CDK19: variants seen among roughly 807,000 people sequenced by gnomAD.
CDK19 encodes the protein cyclin dependent kinase 19.
A neutral mutation model predicts 68.3 loss-of-function variants in CDK19; 20 were observed. That is an observed-to-expected ratio of 0.29 (90% CI 0.21 to 0.43). The LOEUF (loss-of-function observed/expected upper bound fraction) is 0.43. CDK19 is among the 20% of genes least tolerant of loss of function. The pLI is 1.00. For missense variants in CDK19, 339 were observed against 623.5 expected (o/e 0.54, Z 4.86); for synonymous variants, 221 against 222.8 (o/e 0.99, Z 0.07).
At chr6:110,692,021 C>T (rs1399441455) in intron 2 of CDK19, among the ~76,000 whole-genome samples, 4 of 151,446 alleles carry the variant, frequency 2.6e-5, no homozygotes, top group Admixed American at 1.3e-4. Flanking sequence ...ACTGGCTGGG[C>T]GCGGTGGCTC....
intron 4 of CDK19, among the ~76,000 whole-genome samples, chr6:110,656,030 C>T (rs1781290662): frequency 6.6e-6 from 1 of 152,190 alleles, no homozygotes; most frequent in African/African-American, 2.4e-5. Context: ...GCTCTCCCCA[C>T]CCACCTCTCT....
At chr6:110,785,074 C>CAAAAAAAAAAAAAA (rs66578190) in intron 1 of CDK19, among the ~76,000 whole-genome samples, 1 of 64,940 alleles carries the variant, frequency 1.5e-5, no homozygotes. Flanking sequence ...ACTGAATTGT[C>CAAAAAAAAAAAAAA]AAAAAAAAAA....
At chr6:110,734,120 G>A (rs768464375) in intron 2 of CDK19, among the ~76,000 whole-genome samples, 42 of 151,798 alleles carry the variant, frequency 2.8e-4, no homozygotes, top group African/African-American at 7.7e-4. Context: ...AGCAATTCTC[G>A]TGCCTCAGCC....
intron 1 of CDK19, among the ~76,000 whole-genome samples, chr6:110,772,361 GT>G (rs1780078327): frequency 6.6e-6 from 1 of 152,088 alleles, no homozygotes; most frequent in South Asian, 2.1e-4. Flanking sequence ...CATGAGAGCA[GT>G]AGGGGGGAAA....
intron 2 of CDK19, among the ~76,000 whole-genome samples, chr6:110,724,146 G>GA (rs1344968455): frequency 6.6e-6 from 1 of 152,172 alleles, no homozygotes; most frequent in African/African-American, 2.4e-5. Flanking sequence ...CTGAGGGCAG[G>GA]AGTTCGAGAC....
intron 2 of CDK19, chr6:110,706,968 A>G (rs932983938): frequency 6.7e-6 from 1 of 150,260 alleles, no homozygotes; most frequent in Non-Finnish European, 1.5e-5. Context: ...TCTGGCCAGA[A>G]GACATTATTT....
chr6:110,682,562 T>G (rs1191164355), intron 2 of CDK19, among the ~76,000 whole-genome samples: 2 of 152,218 alleles, frequency 1.3e-5, no homozygotes, highest in African/African-American at 4.8e-5. Context: ...CTGTACAGAC[T>G]AACACAGCTC....
At chr6:110,773,604 T>A (rs933788567) in intron 1 of CDK19, among the ~76,000 whole-genome samples, 3 of 152,184 alleles carry the variant, frequency 2.0e-5, no homozygotes, top group African/African-American at 7.2e-5. Context: ...ATACTAATGC[T>A]GTTTTCCTAC....
At chr6:110,781,651 T>C (rs1780831898) in intron 1 of CDK19, among the ~76,000 whole-genome samples, 1 of 151,962 alleles carries the variant, frequency 6.6e-6, no homozygotes, top group African/African-American at 2.4e-5. Flanking sequence ...AAGACGAGTC[T>C]GGGCAACATT....
chr6:110,796,646 CAAAT>C (rs746414334), intron 1 of CDK19, among the ~76,000 whole-genome samples: 1 of 151,646 alleles, frequency 6.6e-6, no homozygotes, highest in African/African-American at 2.4e-5. Context: ...GAGACCATTT[CAAAT>C]AAATAAATAA....
intron 1 of CDK19, among the ~76,000 whole-genome samples, chr6:110,811,504 T>C (rs1179147631): frequency 1.3e-5 from 2 of 152,166 alleles, no homozygotes; most frequent in Non-Finnish European, 2.9e-5. Flanking sequence ...TGCCTCGGCT[T>C]CCCAAAGTGC....
chr6:110,638,689 T>C lies in CDK19; in HGVS notation c.474A>G (p.Leu158=), dbSNP rs372122390. 1.9e-6 allele frequency: 3 copies of C among 1,541,566 alleles called. No individual in the cohort carries two copies. Among genetic ancestry groups the C allele is most frequent in the African/African-American group, 2.7e-5 (2 of 73,526 alleles). Residue 158 remains leucine (L), a synonymous_variant, in exon 5 of 13, where the codon CTA becomes CTG. Transcript: ENST00000368911. ...CCCTCTCAGGACCTTCTCCCATTACTAGGATATTTGCTGGTTTCTAGAAAT... is the reference window on the plus strand; with the variant it reads ...CCCTCTCAGGACCTTCTCCCATTACCAGGATATTTGCTGGTTTCTAGAAAT... ...LHRDLKPANI[L]VMGEGPERGR...
rs891209535 is a variant in CDK19 at position 110,772,619 on chromosome 6, T to G, written c.129-26418A>C. Among the ~76,000 whole-genome samples, 4 of 152,194 alleles carry G rather than the reference T, an allele frequency of 2.6e-5. 1 individual carries two copies. Among genetic ancestry groups the G allele is most frequent in the Admixed American group, 1.3e-4 (2 of 15,268 alleles). Reference sequence around the variant, plus strand: ...TTATGTCTAAGAGTACATTGTTAGCTGCTATAGATCTCTTTCTAAAAATAA... The same window carrying G: ...TTATGTCTAAGAGTACATTGTTAGCGGCTATAGATCTCTTTCTAAAAATAA... On this transcript the variant is annotated intron_variant, in intron 1 of 12. Transcript: ENST00000368911.
chr6:110,687,137 T>C (rs1482017697), intron 2 of CDK19, among the ~76,000 whole-genome samples: 1 of 152,218 alleles, frequency 6.6e-6, no homozygotes, highest in Non-Finnish European at 1.5e-5. Flanking sequence ...TACCTTTCTC[T>C]ACCTCCCAGA....
intron 5 of CDK19, among the ~76,000 whole-genome samples, chr6:110,632,457 G>A (rs1326361538): frequency 6.6e-6 from 1 of 152,152 alleles, no homozygotes; most frequent in African/African-American, 2.4e-5. Flanking sequence ...CTGGGCTGGT[G>A]GGGTGGCTCA....
intron 4 of CDK19, chr6:110,645,981 C>G: frequency 8.6e-7 from 1 of 1,164,716 alleles, no homozygotes; most frequent in Admixed American, 2.0e-5. Flanking sequence ...GCACATGCAG[C>G]GCGTCTTCAA....
chr6:110,705,395 C>T (rs1425476213), intron 2 of CDK19, among the ~76,000 whole-genome samples: 1 of 152,104 alleles, frequency 6.6e-6, no homozygotes, highest in East Asian at 1.9e-4. Flanking sequence ...ATGGGGCATA[C>T]AGTTAGTGAT....
chr6:110,689,846 G>A lies in CDK19; in HGVS notation c.205-19305C>T, dbSNP rs546286441. ...CCCCACTGGGCAGCTAGACCCACAG[G>A]AGCAACAGCATTCACAGTAATCTGG... is the stretch of plus-strand genomic sequence containing the variant. On this transcript the variant is annotated intron_variant, in intron 2 of 12. Transcript: ENST00000368911. Among the ~76,000 whole-genome samples the A allele has an allele frequency of 3.9e-5, 6 of 152,252 alleles. No individual in the cohort carries two copies. In the South Asian group the frequency reaches 8.3e-4, roughly 21 times the overall value.
chr6:110,661,214 G>A (rs538420093), intron 4 of CDK19, among the ~76,000 whole-genome samples: 21 of 152,218 alleles, frequency 1.4e-4, no homozygotes, highest in East Asian at 7.7e-4. Context: ...CTGATCTTTC[G>A]ACTTTAGGAT....
Sources: gnomAD v4.1 joint callset for allele counts (sites outside exome capture counted in the v4.1 genomes callset) on GRCh38, gnomAD v4.1.1 for gene constraint, MANE v1.5 for transcripts, NCBI Gene and HGNC (gene_info 2026-07-23, HGNC 2026-07-21) for gene names.